Variants in PCCA observed in about 807,000 individuals in gnomAD.
The protein encoded by PCCA is propionyl-CoA carboxylase subunit alpha.
PCCA carries 74 observed loss-of-function variants against 101.3 expected under a neutral mutation model. The ratio of observed to expected loss-of-function variants is 0.73; its 90% CI spans 0.61 to 0.89. The LOEUF (loss-of-function observed/expected upper bound fraction) is 0.89. Ranked by LOEUF, PCCA falls within the 40% of genes least tolerant of loss-of-function variation. PCCA has a pLI of 0.00. For missense variants in PCCA, 891 were observed against 907.0 expected (o/e 0.98, Z 0.23); for synonymous variants, 294 against 313.6 (o/e 0.94, Z 0.66).
intron 21 of PCCA, among the ~76,000 whole-genome samples, chr13:100,451,162 C>G (rs1026310640): frequency 6.6e-6 from 1 of 152,034 alleles, no homozygotes; most frequent in African/African-American, 2.4e-5. Flanking sequence ...ATGAGGCCCA[C>G]CCACTGTGGA....
At chr13:100,460,794 A>G (rs1049448233) in intron 21 of PCCA, among the ~76,000 whole-genome samples, 20 of 152,216 alleles carry the variant, frequency 1.3e-4, no homozygotes, top group Non-Finnish European at 2.4e-4. Context: ...ATTAATGACA[A>G]CCATCGAAAA....
At chr13:100,140,060 C>T (rs2051678607) in intron 4 of PCCA, among the ~76,000 whole-genome samples, 2 of 152,226 alleles carry the variant, frequency 1.3e-5, no homozygotes, top group South Asian at 4.1e-4. Flanking sequence ...TCCATACATG[C>T]CCAACCTAGG....
intron 6 of PCCA, among the ~76,000 whole-genome samples, chr13:100,198,757 C>T (rs2058287215): frequency 2.6e-5 from 4 of 152,146 alleles, no homozygotes; most frequent in African/African-American, 4.8e-5. Flanking sequence ...CCTCGGCCTC[C>T]CAAAGTGCTG....
chr13:100,191,874 G>A (rs1234165176), intron 6 of PCCA, among the ~76,000 whole-genome samples: 1 of 152,168 alleles, frequency 6.6e-6, no homozygotes, highest in Non-Finnish European at 1.5e-5. Context: ...TACAATGCCA[G>A]CTTTTTCCTT....
intron 21 of PCCA, among the ~76,000 whole-genome samples, chr13:100,450,635 G>T (rs1192337756): frequency 6.6e-6 from 1 of 152,126 alleles, no homozygotes; most frequent in Non-Finnish European, 1.5e-5. Flanking sequence ...AGGCGAGAGA[G>T]CTTGCGTGAA....
intron 19 of PCCA, among the ~76,000 whole-genome samples, chr13:100,375,135 A>T (rs2075821595): frequency 6.6e-6 from 1 of 152,178 alleles, no homozygotes; most frequent in Admixed American, 6.5e-5. Context: ...CCCAGTAGTC[A>T]TTCAGGAGCA....
At chr13:100,110,719 C>A (rs1480057649) in intron 2 of PCCA, among the ~76,000 whole-genome samples, 1 of 152,164 alleles carries the variant, frequency 6.6e-6, no homozygotes, top group Non-Finnish European at 1.5e-5. Context: ...TCAGACTTCC[C>A]TTTGAAAACA....
chr13:100,304,899 A>T (rs2066336167), intron 14 of PCCA, among the ~76,000 whole-genome samples: 1 of 152,188 alleles, frequency 6.6e-6, no homozygotes, highest in African/African-American at 2.4e-5. Flanking sequence ...GCAGAGGTGA[A>T]GATTTCCTTT....
At chr13:100,475,330 C>T (rs1187286301) in intron 21 of PCCA, among the ~76,000 whole-genome samples, 2 of 152,170 alleles carry the variant, frequency 1.3e-5, no homozygotes, top group Non-Finnish European at 2.9e-5. Context: ...CTCACCCCTT[C>T]CACCCCTCCC....
intron 8 of PCCA, among the ~76,000 whole-genome samples, chr13:100,253,843 A>T (rs1472871777): frequency 7.1e-6 from 1 of 140,862 alleles, no homozygotes; most frequent in African/African-American, 2.5e-5. Flanking sequence ...TGGGAAGGGC[A>T]CTAGAGCCTG....
intron 19 of PCCA, among the ~76,000 whole-genome samples, chr13:100,398,872 T>G (rs929175824): frequency 1.1e-4 from 17 of 152,198 alleles, no homozygotes; most frequent in African/African-American, 3.9e-4. Flanking sequence ...TTGTGAAATT[T>G]AAAAATTTAC....
At chr13:100,178,097 G>A (rs189093094) in intron 6 of PCCA, among the ~76,000 whole-genome samples, 80 of 152,222 alleles carry the variant, frequency 5.3e-4, no homozygotes, top group African/African-American at 1.9e-3. Context: ...CTCCACTTAT[G>A]AATATGTGAT....
chr13:100,237,738 T>A (rs372878207), intron 8 of PCCA, among the ~76,000 whole-genome samples: 1 of 151,996 alleles, frequency 6.6e-6, no homozygotes, highest in South Asian at 2.1e-4. Context: ...ATTATTATTA[T>A]TACAGTATCT....
intron 22 of PCCA, 23 bp downstream of exon 22, chr13:100,515,590 T>C: frequency 2.5e-6 from 4 of 1,611,714 alleles, no homozygotes; most frequent in Non-Finnish European, 2.5e-6. Context: ...TGTGTCTCTC[T>C]GCAGGACATG....
At chr13:100,422,114 C>CTTTCT (rs1325136553) in intron 19 of PCCA, among the ~76,000 whole-genome samples, 8 of 105,038 alleles carry the variant, frequency 7.6e-5, no homozygotes, top group African/African-American at 3.0e-4. Context: ...TTCTTTCTTT[C>CTTTCT]TTTCTTTTCT....
At chr13:100,146,736 A>G (rs1370227038) in intron 4 of PCCA, among the ~76,000 whole-genome samples, 1 of 152,092 alleles carries the variant, frequency 6.6e-6, no homozygotes, top group African/African-American at 2.4e-5. Flanking sequence ...ATGTTCAGTG[A>G]TGGTGTAGTG....
chr13:100,364,215 G>C (rs1595597913), intron 18 of PCCA, among the ~76,000 whole-genome samples: 2 of 152,260 alleles, frequency 1.3e-5, no homozygotes, highest in East Asian at 3.9e-4. Context: ...CTTCGTTAAA[G>C]GAAACTGTAT....
chr13:100,130,671 T>G (rs976482620), intron 4 of PCCA, among the ~76,000 whole-genome samples: 1 of 152,190 alleles, frequency 6.6e-6, no homozygotes, highest in African/African-American at 2.4e-5. Context: ...CAATGATAGA[T>G]TAGTTTAGTT....
intron 6 of PCCA, among the ~76,000 whole-genome samples, chr13:100,190,130 A>G (rs2057637408): frequency 6.6e-6 from 1 of 152,220 alleles, no homozygotes; most frequent in Admixed American, 6.5e-5. Context: ...ATATGATACA[A>G]TGAGAGCACT....
Sources: allele counts gnomAD v4.1 joint callset (sites outside exome capture counted in the v4.1 genomes callset), GRCh38; gene constraint gnomAD v4.1.1; transcripts MANE v1.5; gene names NCBI Gene and HGNC (gene_info 2026-07-23, HGNC 2026-07-21).